RTN4: variants seen among roughly 807,000 people sequenced by gnomAD.
RTN4 encodes the protein reticulon-4.
A neutral mutation model predicts 90.4 loss-of-function variants in RTN4; 32 were observed. The observed-to-expected ratio is 0.35, with a 90% confidence interval of 0.27 to 0.48. RTN4 has a LOEUF of 0.48. RTN4 is among the 20% of genes least tolerant of loss of function. The pLI is 0.99. For missense variants in RTN4, 1,706 were observed against 1,430.2 expected (o/e 1.19, Z -3.11); for synonymous variants, 629 against 552.5 (o/e 1.14, Z -1.94).
intron 1 of RTN4, among the ~76,000 whole-genome samples, chr2:55,040,009 T>C (rs1682964682): frequency 6.6e-6 from 1 of 152,138 alleles, no homozygotes; most frequent in Non-Finnish European, 1.5e-5. Context: ...AGAGGGTAAA[T>C]GAGAAGGTAT....
intron 2 of RTN4, among the ~76,000 whole-genome samples, chr2:55,070,563 A>AGAAAG (rs1163342877): frequency 2.6e-4 from 38 of 148,590 alleles, no homozygotes; most frequent in African/African-American, 8.5e-4. Context: ...AAAAAAAAAA[A>AGAAAG]AAAGAAAGAA....
intron 2 of RTN4, among the ~76,000 whole-genome samples, chr2:55,070,976 C>T (rs1668501581): frequency 6.6e-6 from 1 of 151,804 alleles, no homozygotes; most frequent in Non-Finnish European, 1.5e-5. Flanking sequence ...TGGGGTTTCA[C>T]TGTGTTAGCC....
At chr2:55,038,297 A>C (rs1183228952) in intron 1 of RTN4, among the ~76,000 whole-genome samples, 2 of 152,196 alleles carry the variant, frequency 1.3e-5, no homozygotes, top group Non-Finnish European at 2.9e-5. Flanking sequence ...AAAATTAAAA[A>C]TTTATACTCA....
intron 1 of RTN4, among the ~76,000 whole-genome samples, chr2:55,086,202 G>A (rs1296143502): frequency 6.6e-6 from 1 of 152,196 alleles, no homozygotes; most frequent in East Asian, 1.9e-4. Context: ...GGAATATAAA[G>A]TTGTAAAACA....
chr2:55,110,508 T>C (rs928898842), intron 1 of RTN4, among the ~76,000 whole-genome samples: 5 of 152,076 alleles, frequency 3.3e-5, no homozygotes, highest in Non-Finnish European at 5.9e-5. Context: ...CTATGACATA[T>C]CACAGCCAAT....
chr2:55,080,565 C>T (rs968298941), exon 2 of RTN4: 19 of 152,170 alleles, frequency 1.2e-4, no homozygotes, highest in African/African-American at 4.6e-4. Context: ...TTATACCCTT[C>T]TTTAATGGCT....
intron 4 of RTN4, among the ~76,000 whole-genome samples, chr2:54,987,282 T>C (rs1424730341): frequency 6.6e-6 from 1 of 152,216 alleles, no homozygotes; most frequent in Admixed American, 6.5e-5. Context: ...AGTTTAATGA[T>C]ACATAAACAG....
chr2:55,007,649 G>A lies in RTN4; in HGVS notation c.3013+17437C>T, dbSNP rs186679210. 1.2e-3 allele frequency among the ~76,000 whole-genome samples: 177 copies of A among 152,166 alleles called. 4 individuals are homozygous for A. The highest frequency in any genetic ancestry group is 8.1e-3 in the Admixed American group (123 of 15,266). ...TGCCCAACAATATGAATTACACCAGGATGCTTAATATGCAGATTGCCAGGC... is the reference window on the plus strand; with the variant it reads ...TGCCCAACAATATGAATTACACCAGAATGCTTAATATGCAGATTGCCAGGC... On this transcript the variant is annotated intron_variant, in intron 3 of 8. Transcript: ENST00000337526.
At chr2:55,116,805 T>C (rs1486643297), upstream of RTN4, among the ~76,000 whole-genome samples, 1 of 152,132 alleles carries the variant, frequency 6.6e-6, no homozygotes, top group African/African-American at 2.4e-5. Flanking sequence ...GCAACTTAGA[T>C]GTCTCATCTC....
intron 2 of RTN4, among the ~76,000 whole-genome samples, chr2:55,059,943 G>A (rs13011689): frequency 0.31 from 47,153 of 151,880 alleles, 8,591 homozygotes; most frequent in East Asian, 0.59. Flanking sequence ...CTCCCAAAGT[G>A]CTGGGATTAC....
At chr2:55,090,916 T>C (rs1471740058) in intron 1 of RTN4, among the ~76,000 whole-genome samples, 1 of 152,154 alleles carries the variant, frequency 6.6e-6, no homozygotes, top group East Asian at 1.9e-4. Flanking sequence ...ATTCTCTCTA[T>C]CCAGGAGATC....
the RTN4 span, among the ~76,000 whole-genome samples, chr2:55,127,473 G>T: frequency 1.3e-5 from 2 of 152,292 alleles, no homozygotes; most frequent in Admixed American, 6.5e-5. Flanking sequence ...GTTTCTACAT[G>T]TGTACATCAC....
chr2:55,069,102 G>A (rs1366447838), intron 2 of RTN4, among the ~76,000 whole-genome samples: 1 of 152,208 alleles, frequency 6.6e-6, no homozygotes, highest in East Asian at 1.9e-4. Context: ...TTTGGACCTT[G>A]CAGACTTTCT....
At chr2:55,034,969 C>A (rs1682575616) in intron 1 of RTN4, among the ~76,000 whole-genome samples, 1 of 152,128 alleles carries the variant, frequency 6.6e-6, no homozygotes, top group South Asian at 2.1e-4. Flanking sequence ...ATCCCTAGAA[C>A]AGCCTCTTAA....
rs1677348947 is a variant in RTN4, at chr2:54,973,731, G to C, written c.3477+90C>G. ...ACCATCACACTTCTCATTTTTGTAA[G>C]ACATTGAAAATGGGCACTAATACAT... On this transcript the variant is annotated intron_variant, in intron 7 of 8. Coordinates refer to ENST00000337526, the MANE Select transcript of RTN4 (RefSeq NM_020532.5). 1.1e-5 allele frequency: 16 copies of C among 1,497,446 alleles called. No homozygotes were observed. The Middle Eastern group carries it at 1.6e-3, about 145-fold the overall frequency. The allele number at this position is 1,497,446 out of a possible 1,614,324, so 92.8% of individuals were successfully genotyped here. A position where few individuals can be genotyped will look rare whatever the true frequency, so the allele number is the denominator to read the frequency against.
At chr2:55,028,524 C>A (rs1257628480) in intron 1 of RTN4, among the ~76,000 whole-genome samples, 1 of 152,172 alleles carries the variant, frequency 6.6e-6, no homozygotes, top group Admixed American at 6.6e-5. Flanking sequence ...TTCTACTTAA[C>A]ATATCACATC....
chr2:55,065,653 G>C (rs2105009519), intron 2 of RTN4, among the ~76,000 whole-genome samples: 1 of 152,048 alleles, frequency 6.6e-6, no homozygotes, highest in South Asian at 2.1e-4. Context: ...TTGAACAAAA[G>C]AAACAAGGTA....
chr2:55,110,397 TG>T (rs1355439582), intron 1 of RTN4, among the ~76,000 whole-genome samples: 1 of 151,556 alleles, frequency 6.6e-6, no homozygotes, highest in African/African-American at 2.4e-5. Flanking sequence ...ATAGCCCAAA[TG>T]GCCCCTGAGT....
the RTN4 span, among the ~76,000 whole-genome samples, chr2:55,120,856 G>A: frequency 5.3e-5 from 8 of 152,152 alleles, no homozygotes; most frequent in Non-Finnish European, 1.2e-4. Flanking sequence ...TCGGGTCTCC[G>A]GCTTACACAC....
Sources: gnomAD v4.1 joint callset for allele counts (sites outside exome capture counted in the v4.1 genomes callset) on GRCh38, gnomAD v4.1.1 for gene constraint, MANE v1.5 for transcripts, NCBI Gene and HGNC (gene_info 2026-07-23, HGNC 2026-07-21) for gene names.